Variants in CCDC40 observed in about 807,000 individuals in gnomAD.
The protein encoded by CCDC40 is coiled-coil domain 40 molecular ruler complex subunit.
Under a neutral mutation model 124.5 loss-of-function variants are expected in CCDC40, and 104 were observed. The ratio of observed to expected loss-of-function variants is 0.84; its 90% CI spans 0.71 to 0.98. The LOEUF is 0.98. Among genes scored for constraint, CCDC40 ranks in the 50% least tolerant of loss-of-function variants. CCDC40 has a pLI of 0.00. For synonymous variants in CCDC40, 580 were observed against 602.9 expected, an observed-to-expected ratio of 0.96 and a Z score of 0.56; for missense variants, 1,463 against 1,503.9, an observed-to-expected ratio of 0.97 and a Z score of 0.45.
chr17:80,072,674 G>A (rs574600591), intron 10 of CCDC40, among the ~76,000 whole-genome samples: 2 of 152,216 alleles, frequency 1.3e-5, no homozygotes, highest in South Asian at 2.1e-4. Context: ...ATGGAATCGC[G>A]CAGTCTGTAG....
chr17:80,057,907 G>A (rs887319849), intron 7 of CCDC40, among the ~76,000 whole-genome samples: 1 of 151,976 alleles, frequency 6.6e-6, no homozygotes, highest in African/African-American at 2.4e-5. Context: ...TCTCATGCAA[G>A]TTTTGTTAAA....
chr17:80,076,578 C>CAAA (rs55997385), intron 10 of CCDC40, among the ~76,000 whole-genome samples: 5 of 120,916 alleles, frequency 4.1e-5, no homozygotes, highest in Non-Finnish European at 8.4e-5. Context: ...GAGCCTGTCT[C>CAAA]AAAAAAAAAA....
Position 80,037,138 on chromosome 17 carries a change from C to T in CCDC40, c.29+447C>T, listed in dbSNP as rs566399984. Among the ~76,000 whole-genome samples the T allele has an allele frequency of 1.1e-4, 16 of 152,308 alleles. No homozygotes were observed. In the East Asian group the frequency reaches 2.9e-3, roughly 28 times the overall value. ...GTGGCCGGAGACCAGCCCGGCCCCGCGCCTCCCTCCTGCAAGGACAGATCC... is the reference window on the plus strand; with the variant it reads ...GTGGCCGGAGACCAGCCCGGCCCCGTGCCTCCCTCCTGCAAGGACAGATCC... On this transcript the variant is annotated intron_variant, in intron 1 of 19. Coordinates refer to ENST00000397545, the MANE Select transcript of CCDC40 (RefSeq NM_017950.4).
At chr17:80,072,514 C>G (rs2038217851) in intron 10 of CCDC40, among the ~76,000 whole-genome samples, 1 of 152,022 alleles carries the variant, frequency 6.6e-6, no homozygotes, top group African/African-American at 2.4e-5. Flanking sequence ...TAAGGCTGCT[C>G]CTTCCTAAAA....
chr17:80,041,298 A>G (rs1303346252), intron 3 of CCDC40, among the ~76,000 whole-genome samples: 5 of 152,034 alleles, frequency 3.3e-5, no homozygotes, highest in African/African-American at 1.2e-4. Context: ...ACTTGAGGCC[A>G]GGAGTTCGAT....
Position 80,095,414 on chromosome 17 carries a change from A to C in CCDC40, c.2984A>C (p.Gln995Pro), listed in dbSNP as rs1209681052. 7.4e-6 allele frequency: 12 copies of C among 1,614,068 alleles called. No homozygotes were observed. The highest frequency in any genetic ancestry group is 9.3e-6 in the Non-Finnish European group (11 of 1,180,054). Residue 995 changes from glutamine (Q) to proline (P), a missense_variant, in exon 18 of 20, where the codon CAG (glutamine) becomes CCG (proline). Transcript: ENST00000397545. The part of the protein sequence containing the change: ...ALTRTDFHHK[Q>P]LELRRKIRDV... ...ACCCGCACCGACTTCCACCACAAGCAGCTTGAGCTGCGCCGGAAAATCAGG... is the reference window on the plus strand; with the variant it reads ...ACCCGCACCGACTTCCACCACAAGCCGCTTGAGCTGCGCCGGAAAATCAGG...
intron 4 of CCDC40, 55 bp downstream of exon 4, chr17:80,047,457 C>T: frequency 6.3e-7 from 1 of 1,575,692 alleles, no homozygotes; most frequent in Non-Finnish European, 8.6e-7. Flanking sequence ...CCTGCACAGG[C>T]CCTTCTGTGC....
chr17:80,063,497 C>T (rs2037956580), intron 9 of CCDC40, among the ~76,000 whole-genome samples: 1 of 152,272 alleles, frequency 6.6e-6, no homozygotes, highest in South Asian at 2.1e-4. Flanking sequence ...CATGGGGAGG[C>T]CTCGCACAGG....
chr17:80,049,965 G>A lies in CCDC40; in HGVS notation c.915G>A (p.Lys305=). ...ACTACCTGAACCGACAGATCGAAAA[G>A]TTGAAGCTGGACCTCCAAGAGCTGG... ...LKNYLNRQIE[K]LKLDLQELVV... Residue 305 remains lysine (K), a synonymous_variant, in exon 6 of 20, where the codon AAG becomes AAA. Coordinates refer to ENST00000397545, the MANE Select transcript of CCDC40 (RefSeq NM_017950.4). The A allele has an allele frequency of 6.2e-7, 1 of 1,614,150 alleles. No individual in the cohort carries two copies. The highest frequency in any genetic ancestry group is 8.5e-7 in the Non-Finnish European group (1 of 1,180,026).
chr17:80,098,661 G>A (rs954306099), intron 19 of CCDC40, among the ~76,000 whole-genome samples: 15 of 152,178 alleles, frequency 9.9e-5, no homozygotes, highest in Non-Finnish European at 1.8e-4. Flanking sequence ...TGCCTAAGCC[G>A]GGCACGGTGG....
intron 10 of CCDC40, among the ~76,000 whole-genome samples, chr17:80,077,226 A>G (rs1054154165): frequency 1.3e-5 from 2 of 151,998 alleles, no homozygotes; most frequent in African/African-American, 4.8e-5. Context: ...CATACATTTT[A>G]CTTTATAACA....
At position 80,087,949 on chromosome 17, in the gene CCDC40, A is replaced by T. The variant is rs2038623184; in HGVS notation, c.2620-62A>T. 2 of 1,374,724 alleles carry T rather than the reference A, an allele frequency of 1.5e-6. No individual in the cohort carries two copies. The highest frequency in any genetic ancestry group is 2.3e-5 in the South Asian group (2 of 86,362). The allele number at this position is 1,374,724 out of a possible 1,614,324, so 85.2% of individuals were successfully genotyped here. ...CCTCGGTGCCGGGATAGAGGGCACCAGCCCCGGCATCCACAATCCCATGGC... is the reference window on the plus strand; with the variant it reads ...CCTCGGTGCCGGGATAGAGGGCACCTGCCCCGGCATCCACAATCCCATGGC... On this transcript the variant is annotated intron_variant, in intron 15 of 19. Coordinates refer to ENST00000397545, the MANE Select transcript of CCDC40 (RefSeq NM_017950.4). The surrounding 1 kb of genome is among the most constrained non-coding windows in gnomAD (Gnocchi z 4.5).
In CCDC40 at chr17:80,050,142, C is replaced by T. The variant is rs1326276580; in HGVS notation, c.1018C>T (p.His340Tyr). The T allele has an allele frequency of 6.2e-7, 1 of 1,613,718 alleles. No homozygotes were observed. Among genetic ancestry groups the T allele is most frequent in the East Asian group, 2.2e-5 (1 of 44,864 alleles). ...NLYEVQQHLV[H>Y]LQKLLEKSHD... ...CTATGAGGTGCAGCAGCACCTGGTA[C>T]ACCTGCAGAAGCTGCTGGAGAAGAG... The change falls in exon 7 of 20, where the codon CAC becomes TAC. Residue 340 changes from histidine (H) to tyrosine (Y), a missense_variant. Physicochemically the swap from His to Tyr is moderately conservative, Grantham distance 83. Transcript: ENST00000397545.
rs1296209217 is a variant in CCDC40, at chr17:80,086,148, A to G, written c.2381A>G (p.Gln794Arg). The G allele has an allele frequency of 1.3e-5, 21 of 1,613,936 alleles. No individual in the cohort carries two copies. The highest frequency in any genetic ancestry group is 1.8e-5 in the Non-Finnish European group (21 of 1,180,002). ...AAGGTGACACAGGAGCAGGAGGAGC[A>G]GCTGGCCTCCCTGGACGCATCCAAG... ...MVKVTQEQEEQLASLDASKKE... is the reference protein window; with the variant it reads ...MVKVTQEQEERLASLDASKKE... The change falls in exon 14 of 20, where the codon CAG becomes CGG. Residue 794 changes from glutamine to arginine, a missense_variant. Physicochemically the swap from Gln to Arg is conservative, Grantham distance 43. Coordinates refer to ENST00000397545, the MANE Select transcript of CCDC40 (RefSeq NM_017950.4). This position sits in a 1 kb window ranked among gnomAD's most constrained non-coding sequence, Gnocchi z 5.5.
At position 80,086,931 on chromosome 17, in the gene CCDC40, G is replaced by C. The variant is rs575787899; in HGVS notation, c.2450-676G>C. The C allele has an allele frequency of 4.9e-5, 8 of 164,146 alleles. No individual in the cohort carries two copies. The highest frequency in any genetic ancestry group is 1.9e-4 in the African/African-American group (8 of 41,682). The allele number at this position is 164,146 out of a possible 1,614,324, so 10.2% of individuals were successfully genotyped here. ...AAGTCCCAAAAGACCCTATGGAGCT[G>C]TCAGCTGAGTATCGGTGTCCCAAGG... On this transcript the variant is annotated intron_variant, in intron 14 of 19. Coordinates refer to ENST00000397545, the MANE Select transcript of CCDC40 (RefSeq NM_017950.4). The surrounding 1 kb of genome is among the most constrained non-coding windows in gnomAD (Gnocchi z 5.5).
At position 80,065,523 on chromosome 17, in the gene CCDC40, G is replaced by T. The variant is rs201739201; in HGVS notation, c.1479G>T (p.Arg493Ser). 334 of 1,613,156 alleles carry T rather than the reference G, an allele frequency of 2.1e-4. 1 individual carries two copies. The highest frequency in any genetic ancestry group is 9.9e-4 in the Middle Eastern group (6 of 6,058). ...TCGACGCCATCAGCGTGGAGAAGAGGCGCATCATGCAGCAATGGGCCAGCA... is the reference window on the plus strand; with the variant it reads ...TCGACGCCATCAGCGTGGAGAAGAGTCGCATCATGCAGCAATGGGCCAGCA... ...TEIDAISVEK[R>S]RIMQQWASSL... Residue 493 changes from arginine to serine, a missense_variant, in exon 10 of 20, where the codon AGG becomes AGT. Physicochemically the swap from Arg to Ser is moderately radical, Grantham distance 110. Coordinates refer to ENST00000397545, the MANE Select transcript of CCDC40 (RefSeq NM_017950.4).
rs918930023 is a variant in CCDC40, at chr17:80,058,285, T to C, written c.1160-209T>C. 1.3e-5 allele frequency among the ~76,000 whole-genome samples: 2 copies of C among 152,222 alleles called. No individual in the cohort carries two copies. Among genetic ancestry groups the C allele is most frequent in the African/African-American group, 4.8e-5 (2 of 41,462 alleles). ...AATTTGTGGATGTAGATTCCGTATA[T>C]TTTTGTCTCTTCCAAGAGACTGTAA... On this transcript the variant is annotated intron_variant, in intron 7 of 19. Coordinates refer to ENST00000397545, the MANE Select transcript of CCDC40 (RefSeq NM_017950.4). The surrounding 1 kb of genome is among the most constrained non-coding windows in gnomAD (Gnocchi z 4.2).
Position 80,066,488 on chromosome 17 carries a change from T to G in CCDC40, c.1562+882T>G. 1 of 284,602 alleles carries G rather than the reference T, an allele frequency of 3.5e-6. No individual in the cohort carries two copies. Among genetic ancestry groups the G allele is most frequent in the South Asian group, 5.0e-5 (1 of 19,872 alleles). The allele number at this position is 284,602 out of a possible 1,614,324, so 17.6% of individuals were successfully genotyped here. A position where few individuals can be genotyped will look rare whatever the true frequency, so the allele number is the denominator to read the frequency against. On this transcript the variant is annotated intron_variant, in intron 10 of 19. Transcript: ENST00000397545. This position sits in a 1 kb window ranked among gnomAD's most constrained non-coding sequence, Gnocchi z 4.4. ...CATACTCATTTCTGGCCAGGCGCAG[T>G]GGCTCGCACCTGTAATCCCAACATT... is the stretch of plus-strand genomic sequence containing the variant.
chr17:80,085,917 G>T, intron 13 of CCDC40, 86 bp from the exon 14 acceptor site: 1 of 1,251,364 alleles, frequency 8.0e-7, no homozygotes, highest in African/African-American at 1.5e-5. Context: ...TGATCCACCC[G>T]CCTCAGCCTC....
Sources: gnomAD v4.1 joint callset for allele counts (sites outside exome capture counted in the v4.1 genomes callset) on GRCh38, gnomAD v4.1.1 for gene constraint, Gnocchi (gnomAD v3.1) non-coding constraint, MANE v1.5 for transcripts, NCBI Gene and HGNC (gene_info 2026-07-23, HGNC 2026-07-21) for gene names.